Variants in DOCK3 observed in about 807,000 individuals in gnomAD.
DOCK3 encodes dedicator of cytokinesis 3, also known as dedicator of cytokinesis protein 3.
A neutral mutation model predicts 265.6 loss-of-function variants in DOCK3; 60 were observed. That is an observed-to-expected ratio of 0.23 (90% confidence interval 0.18 to 0.28). The LOEUF is 0.28. Ranked by LOEUF, DOCK3 falls within the 10% of genes least tolerant of loss-of-function variation. The pLI is 1.00. For synonymous variants in DOCK3, 881 were observed against 938.0 expected, an observed-to-expected ratio of 0.94 and a Z score of 1.11; for missense variants, 1,981 against 2,594.3, an observed-to-expected ratio of 0.76 and a Z score of 5.14.
chr3:50,762,277 ATAACCT>A (rs1358662505), intron 1 of DOCK3, among the ~76,000 whole-genome samples: 2 of 152,080 alleles, frequency 1.3e-5, no homozygotes, highest in African/African-American at 2.4e-5. Context: ...AAAAGAATAG[ATAACCT>A]TAAGGTAGGG....
chr3:50,786,137 G>C (rs563222822), intron 2 of DOCK3, among the ~76,000 whole-genome samples: 14 of 151,834 alleles, frequency 9.2e-5, no homozygotes, highest in African/African-American at 3.4e-4. Flanking sequence ...GTATTTCTTT[G>C]GTATTGCTTG....
intron 1 of DOCK3, among the ~76,000 whole-genome samples, chr3:50,702,972 G>A (rs2036150159): frequency 6.6e-6 from 1 of 152,196 alleles, no homozygotes; most frequent in South Asian, 2.1e-4. Flanking sequence ...GGTGTCAGCT[G>A]TGGGTTTGTC....
At chr3:51,251,922 A>T (rs1201543728) in intron 22 of DOCK3, among the ~76,000 whole-genome samples, 10 of 152,222 alleles carry the variant, frequency 6.6e-5, no homozygotes, top group Admixed American at 6.5e-4. Context: ...TGTTTTAGAC[A>T]TGAAGTGCTT....
chr3:51,048,754 A>G (rs958655877), intron 5 of DOCK3, among the ~76,000 whole-genome samples: 3 of 151,824 alleles, frequency 2.0e-5, no homozygotes, highest in South Asian at 2.1e-4. Context: ...AGTAAAAACT[A>G]TGGGAGGCTG....
chr3:50,719,756 A>G (rs1302307266), intron 1 of DOCK3: 9 of 1,093,508 alleles, frequency 8.2e-6, no homozygotes, highest in Non-Finnish European at 1.3e-5. Context: ...TGGACTTGCC[A>G]CCAGTGCCAT....
intron 1 of DOCK3, among the ~76,000 whole-genome samples, chr3:50,772,381 G>C: frequency 6.6e-6 from 1 of 152,244 alleles, no homozygotes; most frequent in Non-Finnish European, 1.5e-5. Flanking sequence ...AAGACCTACT[G>C]TTTGATAGCT....
At chr3:50,921,092 G>C (rs957647395) in intron 4 of DOCK3, among the ~76,000 whole-genome samples, 2 of 152,200 alleles carry the variant, frequency 1.3e-5, no homozygotes, top group African/African-American at 4.8e-5. Flanking sequence ...GTTCTAGTTT[G>C]ATTGCACTGT....
intron 3 of DOCK3, among the ~76,000 whole-genome samples, chr3:50,856,273 AT>A (rs2046591697): frequency 6.6e-6 from 1 of 152,218 alleles, no homozygotes; most frequent in African/African-American, 2.4e-5. Flanking sequence ...TGTCTTCACA[AT>A]GGTTGAACTA....
chr3:50,859,144 G>C (rs1207872335), intron 3 of DOCK3, among the ~76,000 whole-genome samples: 1 of 148,888 alleles, frequency 6.7e-6, no homozygotes, highest in Admixed American at 6.7e-5. Flanking sequence ...TCTGAATTCT[G>C]AATTCTATTT....
At chr3:51,088,211 A>C (rs2082501756) in intron 7 of DOCK3, among the ~76,000 whole-genome samples, 1 of 152,174 alleles carries the variant, frequency 6.6e-6, no homozygotes, top group African/African-American at 2.4e-5. Flanking sequence ...CAAAAACAAA[A>C]AAATGTGCAT....
chr3:51,363,803 A>C (rs1391085246), intron 49 of DOCK3, among the ~76,000 whole-genome samples: 1 of 152,220 alleles, frequency 6.6e-6, no homozygotes, highest in Non-Finnish European at 1.5e-5. Flanking sequence ...ATATCCCTAC[A>C]AAGGACATGA....
At chr3:50,947,308 A>C (rs1201710270) in intron 5 of DOCK3, among the ~76,000 whole-genome samples, 1 of 152,134 alleles carries the variant, frequency 6.6e-6, no homozygotes, top group Admixed American at 6.5e-5. Context: ...TTTAGTCCCC[A>C]AGAAGACATG....
chr3:51,319,706 A>G (rs1235537050), intron 32 of DOCK3, among the ~76,000 whole-genome samples: 2 of 152,040 alleles, frequency 1.3e-5, no homozygotes, highest in Non-Finnish European at 2.9e-5. Context: ...CTCTACTAAA[A>G]CTACAAAAAT....
intron 3 of DOCK3, among the ~76,000 whole-genome samples, chr3:50,853,563 A>AT (rs541975724): frequency 2.1e-4 from 32 of 150,628 alleles, no homozygotes; most frequent in Middle Eastern, 3.5e-3. Flanking sequence ...AACTTGTGGT[A>AT]TTTTTTTTTC....
At chr3:51,246,998 A>C (rs1366856691) in intron 22 of DOCK3, among the ~76,000 whole-genome samples, 191 bp downstream of exon 22, 1 of 152,152 alleles carries the variant, frequency 6.6e-6, no homozygotes, top group Non-Finnish European at 1.5e-5. Context: ...TATTCCTGAT[A>C]ATTTTAAAGA....
Position 51,374,620 on chromosome 3 carries a change from T to G in DOCK3, c.5412+33T>G, listed in dbSNP as rs1319970509. 6.4e-7 allele frequency: 1 copy of G among 1,568,138 alleles called. No individual in the cohort carries two copies. The highest frequency in any genetic ancestry group is 2.3e-5 in the East Asian group (1 of 43,180). On this transcript the variant is annotated intron_variant, in intron 50 of 52. Transcript: ENST00000266037. The surrounding 1 kb of genome is among the most constrained non-coding windows in gnomAD (Gnocchi z 4.8). ...ACCCACCACACTGACTGTCCTCTGC[T>G]GCAAGTGTGTTAGCCTGTGCTTCCC...
intron 1 of DOCK3, chr3:50,719,502 C>T: frequency 1.1e-6 from 1 of 882,364 alleles, no homozygotes; most frequent in South Asian, 1.5e-5. Flanking sequence ...CCACAGTCGG[C>T]AATGGTGATC....
At chr3:50,858,645 T>C (rs1445784343) in intron 3 of DOCK3, among the ~76,000 whole-genome samples, 3 of 152,090 alleles carry the variant, frequency 2.0e-5, no homozygotes, top group Admixed American at 2.0e-4. Flanking sequence ...GATCTTCTTA[T>C]GTAGAATCTT....
intron 4 of DOCK3, among the ~76,000 whole-genome samples, chr3:50,910,302 C>G (rs547891949): frequency 2.0e-5 from 3 of 152,156 alleles, no homozygotes; most frequent in South Asian, 4.1e-4. Flanking sequence ...AAAAGGCACT[C>G]TGGCTTTTTG....
Sources: gnomAD v4.1 joint callset for allele counts (sites outside exome capture counted in the v4.1 genomes callset) on GRCh38, gnomAD v4.1.1 for gene constraint, Gnocchi (gnomAD v3.1) non-coding constraint, MANE v1.5 for transcripts, NCBI Gene and HGNC (gene_info 2026-07-23, HGNC 2026-07-21) for gene names.